Variants in IMPA1 observed in about 807,000 individuals in gnomAD.
IMPA1 encodes D-galactose 1-phosphate phosphatase.
IMPA1 carries 21 observed loss-of-function variants against 34.9 expected under a neutral mutation model. The ratio of observed to expected loss-of-function variants is 0.60; its 90% CI spans 0.43 to 0.87. The LOEUF (loss-of-function observed/expected upper bound fraction) is 0.87. IMPA1 is among the 40% of genes least tolerant of loss of function. IMPA1 has a pLI of 0.00. For synonymous variants in IMPA1, 95 were observed against 104.4 expected (o/e 0.91, Z 0.55); for missense variants, 299 against 336.4 (o/e 0.89, Z 0.87).
chr8:81,675,777 C>G (rs147725447), intron 5 of IMPA1, among the ~76,000 whole-genome samples: 21 of 152,318 alleles, frequency 1.4e-4, no homozygotes, highest in African/African-American at 4.8e-4. Context: ...ACACATAAGA[C>G]AACCTGAACT....
intron 1 of IMPA1, among the ~76,000 whole-genome samples, chr8:81,683,781 C>G (rs921145378): frequency 3.6e-5 from 4 of 111,996 alleles, no homozygotes; most frequent in Non-Finnish European, 5.2e-5. Context: ...GGTCCTGAGT[C>G]TGGATAATCA....
In IMPA1 at chr8:81,660,610, T is replaced by A. The variant is rs1806642014; in HGVS notation, c.624A>T (p.Ala208=). The A allele has an allele frequency of 1.2e-6, 2 of 1,613,490 alleles. No homozygotes were observed. Among genetic ancestry groups the A allele is most frequent in the Non-Finnish European group, 1.7e-6 (2 of 1,179,430 alleles). Residue 208 remains alanine (A), a synonymous_variant, in exon 8 of 9, where the codon GCA becomes GCT. Transcript: ENST00000256108. ...VNMCLVATGG[A]DAYYEMGIHC... is the part of the protein sequence containing the mutation. The stretch of plus-strand genomic sequence containing the variant: ...GAATTCCCATTTCATAATATGCATC[T>A]GCTCCGCCAGTTGCCACAAGGCACA...
At chr8:81,666,806 G>T (rs2130261154) in intron 7 of IMPA1, among the ~76,000 whole-genome samples, 1 of 144,874 alleles carries the variant, frequency 6.9e-6, no homozygotes, top group South Asian at 2.2e-4. Flanking sequence ...GGAGGCGCAG[G>T]TTGCAGTGAA....
At chr8:81,666,010 G>A (rs1725632731) in intron 7 of IMPA1, among the ~76,000 whole-genome samples, 1 of 152,176 alleles carries the variant, frequency 6.6e-6, no homozygotes, top group Non-Finnish European at 1.5e-5. Flanking sequence ...CAAAAGGACT[G>A]TGAGCATTTT....
intron 7 of IMPA1, among the ~76,000 whole-genome samples, chr8:81,666,020 T>A (rs1563582065): frequency 6.6e-6 from 1 of 152,158 alleles, no homozygotes; most frequent in African/African-American, 2.4e-5. Context: ...GTGAGCATTT[T>A]ATAATGTTAA....
intron 1 of IMPA1, among the ~76,000 whole-genome samples, chr8:81,683,243 C>T (rs1212671601): frequency 2.6e-5 from 4 of 152,064 alleles, no homozygotes; most frequent in Admixed American, 6.6e-5. Flanking sequence ...TACAGGGGGG[C>T]CTTAGGGATA....
intron 7 of IMPA1, among the ~76,000 whole-genome samples, chr8:81,668,413 AT>A (rs1806895713): frequency 6.6e-6 from 1 of 152,030 alleles, no homozygotes; most frequent in South Asian, 2.1e-4. Flanking sequence ...GGCGAACCCC[AT>A]TTTTATACAA....
intron 7 of IMPA1, among the ~76,000 whole-genome samples, chr8:81,669,780 T>C (rs1014186941): frequency 1.3e-5 from 2 of 152,198 alleles, no homozygotes; most frequent in Admixed American, 6.5e-5. Flanking sequence ...GTTTGAATGT[T>C]TGTTCCCTCC....
chr8:81,682,606 C>T (rs1807333232), intron 1 of IMPA1, among the ~76,000 whole-genome samples: 1 of 152,130 alleles, frequency 6.6e-6, no homozygotes, highest in Non-Finnish European at 1.5e-5. Flanking sequence ...GCAACTCCTT[C>T]AAGCTCTTCA....
At chr8:81,674,715 T>C (rs1807080824) in intron 5 of IMPA1, 2 of 409,310 alleles carry the variant, frequency 4.9e-6, no homozygotes, top group Non-Finnish European at 9.8e-6. Context: ...CCTTCTCCCA[T>C]TGCTTCCATT....
intron 1 of IMPA1, among the ~76,000 whole-genome samples, chr8:81,684,216 CTATA>C (rs1350726615): frequency 1.4e-5 from 2 of 144,036 alleles, no homozygotes; most frequent in Admixed American, 7.0e-5. Flanking sequence ...TATTTAGATA[CTATA>C]TATAGTATAT....
intron 1 of IMPA1, among the ~76,000 whole-genome samples, chr8:81,684,146 CACACACACAT>C (rs1179490864): frequency 3.2e-5 from 4 of 126,156 alleles, no homozygotes; most frequent in East Asian, 4.3e-4. Context: ...CATACACACA[CACACACACAT>C]ACACACACAT....
chr8:81,678,360 T>G (rs755384728), intron 4 of IMPA1, among the ~76,000 whole-genome samples: 37 of 152,144 alleles, frequency 2.4e-4, no homozygotes, highest in African/African-American at 8.9e-4. Flanking sequence ...TTTAACATAG[T>G]CAGTTTATAA....
chr8:81,676,144 C>A, intron 5 of IMPA1, 90 bp downstream of exon 5: 1 of 528,892 alleles, frequency 1.9e-6, no homozygotes, highest in South Asian at 4.4e-5. Flanking sequence ...AATATACAGA[C>A]AAACCTGAAT....
rs980641757 is a variant in IMPA1 at position 81,660,741 on chromosome 8, T to C, written c.567-74A>G. The C allele has an allele frequency of 6.4e-6, 8 of 1,245,190 alleles. No individual in the cohort carries two copies. The African/African-American group carries it at 1.2e-4, about 19-fold the overall frequency. The allele number at this position is 1,245,190 out of a possible 1,614,324, so 77.1% of individuals were successfully genotyped here. On this transcript the variant is annotated intron_variant, in intron 7 of 8. Coordinates refer to ENST00000256108, the MANE Select transcript of IMPA1 (RefSeq NM_005536.4). Reference sequence around the variant, plus strand: ...GTAAGATATTCCTCCTTAACTTCACTTTAAGTGTCGATTGAAGAAACTTGG... The same window carrying C: ...GTAAGATATTCCTCCTTAACTTCACCTTAAGTGTCGATTGAAGAAACTTGG...
intron 1 of IMPA1, chr8:81,685,764 T>C: frequency 6.5e-7 from 1 of 1,528,536 alleles, no homozygotes; most frequent in Non-Finnish European, 8.8e-7. Flanking sequence ...TTTACTCACT[T>C]TCATTTTCCC....
chr8:81,660,142 C>A (rs755394191), intron 8 of IMPA1, among the ~76,000 whole-genome samples: 1 of 152,056 alleles, frequency 6.6e-6, no homozygotes, highest in African/African-American at 2.4e-5. Context: ...TTTTTAATCG[C>A]AAAAAACTCA....
intron 7 of IMPA1, 103 bp downstream of exon 7, chr8:81,670,836 A>G (rs1806963662): frequency 1.7e-6 from 1 of 576,984 alleles, no homozygotes; most frequent in African/African-American, 2.0e-5. Flanking sequence ...TTTAGAAACC[A>G]TGATGTATAT....
rs1298365795 is a variant in IMPA1, at chr8:81,658,177, A to G, written c.*1174T>C. 1 of 152,182 alleles carries G rather than the reference A, an allele frequency of 6.6e-6. No individual in the cohort carries two copies. Among genetic ancestry groups the G allele is most frequent in the Non-Finnish European group, 1.5e-5 (1 of 68,024 alleles). The allele number at this position is 152,182 out of a possible 1,614,324, so 9.4% of individuals were successfully genotyped here. A position where few individuals can be genotyped will look rare whatever the true frequency, so the allele number is the denominator to read the frequency against. On this transcript the variant is annotated 3_prime_UTR_variant, in exon 9 of 9. Transcript: ENST00000256108. ...TTACAGAAGCATTTTTAATTTTACA[A>G]CACAAAGCTCAAACGAACCTACAAT...
Sources: allele counts gnomAD v4.1 joint callset (sites outside exome capture counted in the v4.1 genomes callset), GRCh38; gene constraint gnomAD v4.1.1; transcripts MANE v1.5; gene names NCBI Gene and HGNC (gene_info 2026-07-23, HGNC 2026-07-21).